The following SPIDR variants were observed in gnomAD, a reference collection of about 807,000 sequenced individuals.
SPIDR encodes the protein DNA repair-scaffolding protein.
Under a neutral mutation model 104.6 loss-of-function variants are expected in SPIDR, and 93 were observed. The ratio of observed to expected loss-of-function variants is 0.89; its 90% CI spans 0.75 to 1.06. SPIDR has a LOEUF of 1.06. SPIDR is among the 50% of genes least tolerant of loss of function. The probability of loss-of-function intolerance (pLI) is 0.00; values close to 1 mark genes in which losing one functional copy is unlikely to be tolerated. For missense variants in SPIDR, 1,154 were observed against 1,111.2 expected, an observed-to-expected ratio of 1.04 and a Z score of -0.55; for synonymous variants, 431 against 416.9, an observed-to-expected ratio of 1.03 and a Z score of -0.41.
At chr8:47,444,679 A>G (rs1198402188) in intron 8 of SPIDR, among the ~76,000 whole-genome samples, 2 of 152,176 alleles carry the variant, frequency 1.3e-5, no homozygotes, top group African/African-American at 4.8e-5. Flanking sequence ...TTCTTAGACT[A>G]TTTCTAGAAG....
intron 8 of SPIDR, among the ~76,000 whole-genome samples, chr8:47,506,686 A>G (rs567691161): frequency 6.6e-6 from 1 of 152,116 alleles, no homozygotes; most frequent in Non-Finnish European, 1.5e-5. Flanking sequence ...TACATGCCCT[A>G]AAGTATCCAA....
Position 47,407,895 on chromosome 8 carries a change from A to T in SPIDR, c.811A>T (p.Asn271Tyr). ...AGCAGAAAGACTAAATGGACTGCAG[A>T]ATCGAGAGAGATCTGCTATTTCTTT... ...GLAERLNGLQ[N>Y]RERSAISLWR... is the part of the protein sequence containing the mutation. The change falls in exon 7 of 20, where the codon AAT becomes TAT. Residue 271 changes from asparagine (N) to tyrosine (Y), a missense_variant. Physicochemically the swap from Asn to Tyr is moderately radical, Grantham distance 143. Transcript: ENST00000297423. The T allele has an allele frequency of 6.2e-7, 1 of 1,605,414 alleles. No homozygotes were observed. The highest frequency in any genetic ancestry group is 8.5e-7 in the Non-Finnish European group (1 of 1,174,366).
intron 11 of SPIDR, among the ~76,000 whole-genome samples, chr8:47,683,844 T>G (rs977782420): frequency 1.4e-4 from 21 of 152,178 alleles, no homozygotes; most frequent in African/African-American, 2.2e-4. Context: ...AAACCCAATT[T>G]GGCCGGGCAT....
At chr8:47,539,086 C>T (rs1348894136) in intron 8 of SPIDR, among the ~76,000 whole-genome samples, 1 of 151,906 alleles carries the variant, frequency 6.6e-6, no homozygotes, top group Non-Finnish European at 1.5e-5. Flanking sequence ...GTCTCGAACT[C>T]CTGACCTCAG....
At chr8:47,544,844 A>G (rs995705576) in intron 8 of SPIDR, among the ~76,000 whole-genome samples, 12 of 152,144 alleles carry the variant, frequency 7.9e-5, no homozygotes, top group African/African-American at 2.4e-4. Context: ...TTATCTCCAC[A>G]AAAAAATCTT....
intron 10 of SPIDR, among the ~76,000 whole-genome samples, chr8:47,630,110 C>T (rs987966953): frequency 1.3e-5 from 2 of 152,100 alleles, no homozygotes; most frequent in African/African-American, 4.8e-5. Context: ...GTCAAGTTTT[C>T]TCACCATACT....
In SPIDR at chr8:47,467,185, A is replaced by G. The variant is rs2075005914; in HGVS notation, c.1097+26643A>G. On this transcript the variant is annotated intron_variant, in intron 8 of 19. Transcript: ENST00000297423. ...CTAGGAAGAAATTGAATTTTTGAAC[A>G]GACCAGTAATGAGCTCCAAAATCGA... is the stretch of plus-strand genomic sequence containing the variant. 2.6e-5 allele frequency among the ~76,000 whole-genome samples: 4 copies of G among 152,144 alleles called. No homozygotes were observed. In the South Asian group the frequency reaches 8.3e-4, roughly 31 times the overall value.
intron 5 of SPIDR, among the ~76,000 whole-genome samples, chr8:47,298,348 A>T (rs1465611351): frequency 6.6e-6 from 1 of 152,006 alleles, no homozygotes; most frequent in East Asian, 1.9e-4. Flanking sequence ...TAGATTCTGG[A>T]TATTAGCCCT....
chr8:47,331,000 T>C, intron 5 of SPIDR: 2 of 315,646 alleles, frequency 6.3e-6, no homozygotes, highest in Non-Finnish European at 6.4e-6. Context: ...CTCCATATTC[T>C]TGTCAGCATT....
chr8:47,632,021 A>T (rs796864205), intron 10 of SPIDR, among the ~76,000 whole-genome samples: 1 of 152,074 alleles, frequency 6.6e-6, no homozygotes, highest in African/African-American at 2.4e-5. Flanking sequence ...CTGCACACAC[A>T]TCCCCCTCCC....
intron 5 of SPIDR, among the ~76,000 whole-genome samples, chr8:47,306,384 G>A (rs930494403): frequency 1.3e-5 from 2 of 151,974 alleles, no homozygotes; most frequent in Admixed American, 6.6e-5. Flanking sequence ...CAAGTGATCC[G>A]CCCACCTCAG....
chr8:47,271,355 C>G (rs893321529), intron 1 of SPIDR, among the ~76,000 whole-genome samples: 2 of 152,106 alleles, frequency 1.3e-5, no homozygotes, highest in African/African-American at 4.8e-5. Flanking sequence ...ATTTGTGTGT[C>G]TGATGGTGTC....
chr8:47,518,460 T>C (rs905668685), intron 8 of SPIDR, among the ~76,000 whole-genome samples: 1 of 152,152 alleles, frequency 6.6e-6, no homozygotes, highest in Non-Finnish European at 1.5e-5. Context: ...TGATTTATGA[T>C]GCTTTTCTCT....
chr8:47,402,134 C>G (rs1461235701), intron 6 of SPIDR, among the ~76,000 whole-genome samples: 18 of 152,208 alleles, frequency 1.2e-4, no homozygotes, highest in Admixed American at 1.0e-3. Context: ...AACAAAATGT[C>G]TCTGAGACCA....
At chr8:47,328,791 ACTTTTT>A (rs1418140718) in intron 5 of SPIDR, among the ~76,000 whole-genome samples, 2 of 151,532 alleles carry the variant, frequency 1.3e-5, no homozygotes, top group African/African-American at 2.4e-5. Flanking sequence ...ACACCAGTTT[ACTTTTT>A]CTTTTTCTAA....
At chr8:47,598,666 T>G (rs1326260558) in intron 9 of SPIDR, among the ~76,000 whole-genome samples, 2 of 152,216 alleles carry the variant, frequency 1.3e-5, no homozygotes, top group African/African-American at 2.4e-5. Context: ...TTAGCAGAAC[T>G]TCCTGTGTGT....
intron 8 of SPIDR, among the ~76,000 whole-genome samples, chr8:47,502,156 A>T (rs2080591319): frequency 6.6e-6 from 1 of 152,230 alleles, no homozygotes; most frequent in Non-Finnish European, 1.5e-5. Context: ...CTGGCCTCAT[A>T]AAATGAGTTA....
chr8:47,362,711 G>A (rs1362536705), intron 5 of SPIDR, among the ~76,000 whole-genome samples: 2 of 152,152 alleles, frequency 1.3e-5, no homozygotes, highest in African/African-American at 4.8e-5. Flanking sequence ...GGAGTGCAGT[G>A]GCACAATCTC....
At chr8:47,293,682 T>C (rs1322731534) in intron 4 of SPIDR, among the ~76,000 whole-genome samples, 185 bp from the exon 5 acceptor site, 3 of 152,164 alleles carry the variant, frequency 2.0e-5, no homozygotes, top group Non-Finnish European at 2.9e-5. Flanking sequence ...TGCTGAGTTT[T>C]GGCATTCTGC....
Sources: gnomAD v4.1 joint callset for allele counts (sites outside exome capture counted in the v4.1 genomes callset) on GRCh38, gnomAD v4.1.1 for gene constraint, MANE v1.5 for transcripts, NCBI Gene and HGNC (gene_info 2026-07-23, HGNC 2026-07-21) for gene names.